TNR: variants seen among roughly 807,000 people sequenced by gnomAD.
TNR encodes the protein tenascin-R.
In TNR, 45 loss-of-function variants were observed where a neutral mutation model predicts 150.4. The ratio of observed to expected loss-of-function variants is 0.30; its 90% CI spans 0.24 to 0.38. The LOEUF (loss-of-function observed/expected upper bound fraction) is 0.38, where lower values mean the gene tolerates loss of function less well. TNR is among the 10% of genes least tolerant of loss of function. The probability of loss-of-function intolerance (pLI) is 1.00; values close to 1 mark genes in which losing one functional copy is unlikely to be tolerated. For missense variants in TNR, 1,544 were observed against 1,759.1 expected, an observed-to-expected ratio of 0.88 and a Z score of 2.19; for synonymous variants, 687 against 678.4, an observed-to-expected ratio of 1.01 and a Z score of -0.20.
At chr1:175,676,170 T>C (rs1192740585) in intron 1 of TNR, among the ~76,000 whole-genome samples, 1 of 152,132 alleles carries the variant, frequency 6.6e-6, no homozygotes, top group Non-Finnish European at 1.5e-5. Context: ...AAAGCTGCGA[T>C]TTAACAGTTT....
intron 2 of TNR, among the ~76,000 whole-genome samples, chr1:175,462,521 A>G (rs1656865332): frequency 6.6e-6 from 1 of 152,162 alleles, no homozygotes. Context: ...ATTATGCACA[A>G]TTTAATAATA....
rs1649648036 is a variant in TNR, at chr1:175,330,083, C to T, written c.3784G>A (p.Gly1262Ser). ...CAGGAGCCATAGGTACCCGCAGTGCCGTTGTAGCTTCCTATGCGGAGTTTG... is the reference window on the plus strand; with the variant it reads ...CAGGAGCCATAGGTACCCGCAGTGCTGTTGTAGCTTCCTATGCGGAGTTTG... The part of the protein sequence containing the change: ...LYKLRIGSYN[G>S]TAGDSLSYHQ... Residue 1262 changes from glycine to serine, a missense_variant, in exon 21 of 23, where the codon GGC becomes AGC. Transcript: ENST00000367674. The T allele has an allele frequency of 2.5e-6, 4 of 1,587,574 alleles. No homozygotes were observed. The highest frequency in any genetic ancestry group is 2.6e-6 in the Non-Finnish European group (3 of 1,160,226).
chr1:175,662,745 G>T (rs141525065), intron 1 of TNR, among the ~76,000 whole-genome samples: 1 of 152,178 alleles, frequency 6.6e-6, no homozygotes. Context: ...GTCTGGGTGT[G>T]GGGGGCAGCG....
intron 1 of TNR, among the ~76,000 whole-genome samples, chr1:175,561,496 G>A (rs562436623): frequency 1.1e-3 from 166 of 152,294 alleles, no homozygotes; most frequent in African/African-American, 3.9e-3. Flanking sequence ...GAACCAGAAG[G>A]AAATCATGAA....
intron 17 of TNR, 96 bp from the exon 18 acceptor site, chr1:175,354,619 G>A: frequency 6.6e-7 from 1 of 1,519,650 alleles, no homozygotes; most frequent in Non-Finnish European, 9.0e-7. Flanking sequence ...TGGGCAGCTA[G>A]GTCAGTATTG....
intron 18 of TNR, among the ~76,000 whole-genome samples, chr1:175,342,354 A>G (rs558735987): frequency 2.0e-5 from 3 of 152,032 alleles, no homozygotes; most frequent in Admixed American, 6.5e-5. Flanking sequence ...GCTGGCCACA[A>G]ATTGGTGGAG....
rs536424473 is a variant in TNR at position 175,656,927 on chromosome 1, T to C, written c.-165+86299A>G. On this transcript the variant is annotated intron_variant, in intron 1 of 22. Coordinates refer to ENST00000367674, the MANE Select transcript of TNR (RefSeq NM_003285.3). ...TAGGTGTGCAGTTGTGTGTTTATTG[T>C]ATGTTTGCTAAAGGATGCTATGCAC... Among the ~76,000 whole-genome samples the C allele has an allele frequency of 2.2e-4, 33 of 152,302 alleles. No individual in the cohort carries two copies. In the South Asian group the frequency reaches 4.8e-3, roughly 22 times the overall value.
At chr1:175,503,079 C>T (rs1375214944) in intron 2 of TNR, among the ~76,000 whole-genome samples, 12 of 151,486 alleles carry the variant, frequency 7.9e-5, no homozygotes, top group Admixed American at 6.6e-5. Context: ...TAGGATGCCC[C>T]GCCGCAGTGG....
intron 1 of TNR, among the ~76,000 whole-genome samples, chr1:175,588,087 AG>A (rs1020954205): frequency 6.6e-6 from 1 of 152,218 alleles, no homozygotes; most frequent in Non-Finnish European, 1.5e-5. Flanking sequence ...GAAGAGGTGA[AG>A]TTCAAGTTGG....
rs533626959 is a variant in TNR at position 175,593,652 on chromosome 1, AT to A, written c.-164-65284del. Among the ~76,000 whole-genome samples the A allele has an allele frequency of 3.3e-5, 5 of 152,300 alleles. No individual in the cohort carries two copies. In the South Asian group the frequency reaches 1.0e-3, roughly 32 times the overall value. Reference sequence around the variant, plus strand: ...GTTGAACCAAAATCAATAAAATTGTATTCCAAAAGAGCCTGTCCTTCAGAAA... The same window carrying A: ...GTTGAACCAAAATCAATAAAATTGTATCCAAAAGAGCCTGTCCTTCAGAAA... On this transcript the variant is annotated intron_variant, in intron 1 of 22. Coordinates refer to ENST00000367674, the MANE Select transcript of TNR (RefSeq NM_003285.3).
intron 2 of TNR, among the ~76,000 whole-genome samples, chr1:175,525,231 G>T (rs1659804086): frequency 6.6e-6 from 1 of 152,154 alleles, no homozygotes. Flanking sequence ...TGCCATGATT[G>T]TAAGTTTCCT....
At chr1:175,571,853 G>A (rs1661885052) in intron 1 of TNR, among the ~76,000 whole-genome samples, 1 of 152,124 alleles carries the variant, frequency 6.6e-6, no homozygotes, top group South Asian at 2.1e-4. Context: ...GGCAGAGTAG[G>A]GACTGTCAAA....
chr1:175,483,605 G>GGAGA (rs1219098849), intron 2 of TNR, among the ~76,000 whole-genome samples: 1 of 152,218 alleles, frequency 6.6e-6, no homozygotes, highest in Non-Finnish European at 1.5e-5. Flanking sequence ...ATCCTGAAGA[G>GGAGA]GAGAGAGAGA....
At chr1:175,719,978 C>T (rs894943820) in intron 1 of TNR, among the ~76,000 whole-genome samples, 10 of 152,202 alleles carry the variant, frequency 6.6e-5, no homozygotes, top group Admixed American at 4.6e-4. Context: ...GCTGCCTTCC[C>T]GGGACAGCCC....
At chr1:175,452,120 G>T (rs1234342206) in intron 2 of TNR, among the ~76,000 whole-genome samples, 1 of 152,202 alleles carries the variant, frequency 6.6e-6, no homozygotes, top group Non-Finnish European at 1.5e-5. Flanking sequence ...TCGTGCACCG[G>T]TGCCTCCCTT....
At chr1:175,524,264 G>A (rs1249966900) in intron 2 of TNR, among the ~76,000 whole-genome samples, 2 of 152,010 alleles carry the variant, frequency 1.3e-5, no homozygotes, top group Admixed American at 1.3e-4. Flanking sequence ...CATGTCTGCC[G>A]AATTATGTTG....
intron 1 of TNR, among the ~76,000 whole-genome samples, chr1:175,731,832 T>A (rs1667648445): frequency 6.6e-6 from 1 of 152,216 alleles, no homozygotes; most frequent in Admixed American, 6.5e-5. Flanking sequence ...AGCTAAACCC[T>A]AGCTTCTAAC....
intron 1 of TNR, among the ~76,000 whole-genome samples, chr1:175,628,139 A>G (rs1451254426): frequency 6.6e-6 from 1 of 152,254 alleles, no homozygotes; most frequent in Non-Finnish European, 1.5e-5. Flanking sequence ...CCAGCATTCC[A>G]GGTGATTCTG....
intron 1 of TNR, among the ~76,000 whole-genome samples, chr1:175,709,893 T>C (rs1334383170): frequency 6.6e-6 from 1 of 151,914 alleles, no homozygotes; most frequent in Admixed American, 6.6e-5. Flanking sequence ...GACTATCAGG[T>C]GAGGCCAACA....
Sources: gnomAD v4.1 joint callset for allele counts (sites outside exome capture counted in the v4.1 genomes callset) on GRCh38, gnomAD v4.1.1 for gene constraint, MANE v1.5 for transcripts, NCBI Gene and HGNC (gene_info 2026-07-23, HGNC 2026-07-21) for gene names.